Variants in CFAP157 observed in about 807,000 individuals in gnomAD.
CFAP157 encodes cilia and flagella associated protein 157, also known as cilia- and flagella-associated protein 157.
In CFAP157, 43 loss-of-function variants were observed where a neutral mutation model predicts 57.8. The observed-to-expected ratio is 0.74, with a 90% CI of 0.58 to 0.96. The LOEUF (loss-of-function observed/expected upper bound fraction) is 0.96. CFAP157 is among the 40% of genes least tolerant of loss of function. The pLI, the probability that CFAP157 is intolerant of heterozygous loss-of-function variation, is 0.00. For missense variants in CFAP157, 606 were observed against 655.3 expected, an observed-to-expected ratio of 0.92 and a Z score of 0.82; for synonymous variants, 267 against 269.0, an observed-to-expected ratio of 0.99 and a Z score of 0.07.
Position 127,714,941 on chromosome 9 carries a change from G to GGCCCCCCCCCCCCCCCC in CFAP157, c.*1036_*1037insGCCCCCCCCCCCCCCCC. Reference sequence around the variant, plus strand: ...CCGCGCCCCAACCCCCACCCCCTTGGCCCGCCCGCCCACCCCTGGCGCTCT... The same window carrying GGCCCCCCCCCCCCCCCC: ...CCGCGCCCCAACCCCCACCCCCTTGGGCCCCCCCCCCCCCCCCCCCGCCCGCCCACCCCTGGCGCTCT... On this transcript the variant is annotated 3_prime_UTR_variant, in exon 9 of 9. Transcript: ENST00000373295. 1.6e-5 allele frequency: 7 copies of GGCCCCCCCCCCCCCCCC among 446,382 alleles called. No homozygotes were observed. Among genetic ancestry groups the GGCCCCCCCCCCCCCCCC allele is most frequent in the South Asian group, 2.1e-5 (1 of 47,492 alleles). The allele number at this position is 446,382 out of a possible 1,614,324, so 27.7% of individuals were successfully genotyped here.
rs1254559381 is a variant in CFAP157, at chr9:127,714,566, A to G, written c.*661A>G. The G allele has an allele frequency of 6.2e-7, 1 of 1,602,246 alleles. No individual in the cohort carries two copies. Among genetic ancestry groups the G allele is most frequent in the Non-Finnish European group, 8.6e-7 (1 of 1,169,510 alleles). The stretch of plus-strand genomic sequence containing the variant: ...TACTCCACCCCAACTGGGAGGCCTG[A>G]AGCCCTATCCCAACCCTGACCATCT... On this transcript the variant is annotated 3_prime_UTR_variant, in exon 9 of 9. Transcript: ENST00000373295.
chr9:127,710,879 A>C, intron 3 of CFAP157, 125 bp downstream of exon 3: 1 of 1,077,664 alleles, frequency 9.3e-7, no homozygotes, highest in Admixed American at 2.4e-5. Flanking sequence ...CCGCCCCGAC[A>C]ACCTGCTACT....
Position 127,714,254 on chromosome 9 carries a change from C to T in CFAP157, c.*349C>T. On this transcript the variant is annotated 3_prime_UTR_variant, in exon 9 of 9. Coordinates refer to ENST00000373295, the MANE Select transcript of CFAP157 (RefSeq NM_001012502.3). Reference sequence around the variant, plus strand: ...AACCGCCTCAGGGTGCGCCGGGCGCCCGATACCCACCCGCAGCCTTGGCAT... The same window carrying T: ...AACCGCCTCAGGGTGCGCCGGGCGCTCGATACCCACCCGCAGCCTTGGCAT... 6.2e-7 allele frequency: 1 copy of T among 1,613,964 alleles called. No homozygotes were observed. The highest frequency in any genetic ancestry group is 8.5e-7 in the Non-Finnish European group (1 of 1,179,984).
At position 127,711,909 on chromosome 9, in the gene CFAP157, G is replaced by A. The variant is rs1361052109; in HGVS notation, c.945G>A (p.Glu315=). The A allele has an allele frequency of 1.9e-6, 3 of 1,604,208 alleles. No individual in the cohort carries two copies. The highest frequency in any genetic ancestry group is 2.5e-6 in the Non-Finnish European group (3 of 1,176,602). The change falls in exon 5 of 9, where the codon GAG becomes GAA. Residue 315 remains glutamate, a synonymous_variant. Transcript: ENST00000373295. ...EELRLLLSQL[E]QRSLQLQVDN... ...TGCGCCTCCTGCTGAGCCAGTTGGAGCAGAGATCCCTGCAGCTGCAGGTGG... is the reference window on the plus strand; with the variant it reads ...TGCGCCTCCTGCTGAGCCAGTTGGAACAGAGATCCCTGCAGCTGCAGGTGG...
In CFAP157 at chr9:127,715,491, C is replaced by T. The variant is rs765405772; in HGVS notation, c.*1586C>T. 1 of 1,611,438 alleles carries T rather than the reference C, an allele frequency of 6.2e-7. No individual in the cohort carries two copies. The highest frequency in any genetic ancestry group is 8.5e-7 in the Non-Finnish European group (1 of 1,179,080). ...CACTCGGCTCCCGGGACATAATGGC[C>T]GAACTGAAGCTAGGGACCGGGAGCC... is the stretch of plus-strand genomic sequence containing the variant. On this transcript the variant is annotated 3_prime_UTR_variant, in exon 9 of 9. Coordinates refer to ENST00000373295, the MANE Select transcript of CFAP157 (RefSeq NM_001012502.3). The surrounding 1 kb of genome is among the most constrained non-coding windows in gnomAD (Gnocchi z 5.8).
intron 5 of CFAP157, 101 bp from the exon 6 acceptor site, chr9:127,712,098 G>T: frequency 6.6e-7 from 1 of 1,525,680 alleles, no homozygotes; most frequent in Non-Finnish European, 8.8e-7. Flanking sequence ...CGGGATGGGG[G>T]CCCCTGTGGG....
rs1484622998 is a variant in CFAP157 at position 127,709,346 on chromosome 9, G to A, written c.162-76G>A. The A allele has an allele frequency of 1.3e-6, 2 of 1,487,918 alleles. No individual in the cohort carries two copies. The highest frequency in any genetic ancestry group is 9.1e-7 in the Non-Finnish European group (1 of 1,095,982). The allele number at this position is 1,487,918 out of a possible 1,614,324, so 92.2% of individuals were successfully genotyped here. On this transcript the variant is annotated intron_variant, in intron 1 of 8. Coordinates refer to ENST00000373295, the MANE Select transcript of CFAP157 (RefSeq NM_001012502.3). The surrounding 1 kb of genome is among the most constrained non-coding windows in gnomAD (Gnocchi z 4.7). Reference sequence around the variant, plus strand: ...CCCCTTTACGGGACAGGGAGTCCAGGAGAGTGGGCCCAGCTGCACCAGAGG... The same window carrying A: ...CCCCTTTACGGGACAGGGAGTCCAGAAGAGTGGGCCCAGCTGCACCAGAGG...
At chr9:127,708,182 TAAAACAAC>T (rs1448297285) in intron 1 of CFAP157, among the ~76,000 whole-genome samples, 1 of 152,142 alleles carries the variant, frequency 6.6e-6, no homozygotes, top group Non-Finnish European at 1.5e-5. Context: ...AATTATGATG[TAAAACAAC>T]TTTCCAGGCC....
intron 1 of CFAP157, among the ~76,000 whole-genome samples, chr9:127,707,928 C>A (rs529981553): frequency 1.2e-4 from 19 of 152,284 alleles, no homozygotes; most frequent in Middle Eastern, 3.4e-3. Flanking sequence ...CTCGTGGTGC[C>A]AGGCAGGCCA....
intron 4 of CFAP157, 85 bp from the exon 5 acceptor site, chr9:127,711,735 C>A: frequency 1.2e-5 from 17 of 1,460,980 alleles, no homozygotes; most frequent in Admixed American, 2.1e-5. Context: ...GGCCGCTCTG[C>A]ATAGGGGAAC....
At chr9:127,708,126 G>A (rs1227677273) in intron 1 of CFAP157, among the ~76,000 whole-genome samples, 1 of 152,160 alleles carries the variant, frequency 6.6e-6, no homozygotes, top group Non-Finnish European at 1.5e-5. Context: ...CCCCACCCCT[G>A]AAATGCTCTG....
chr9:127,713,384 C>T, intron 8 of CFAP157, 178 bp downstream of exon 8: 1 of 532,218 alleles, frequency 1.9e-6, no homozygotes, highest in Non-Finnish European at 3.2e-6. Context: ...CCAAAGCATG[C>T]CCACACATGC....
chr9:127,713,703 C>A, intron 8 of CFAP157, 131 bp from the exon 9 acceptor site: 1 of 675,964 alleles, frequency 1.5e-6, no homozygotes, highest in Non-Finnish European at 2.7e-6. Flanking sequence ...GACAGGGTTT[C>A]ACCATGTTGG....
chr9:127,714,508 GC>G lies in CFAP157; in HGVS notation c.*606del. 6.3e-7 allele frequency: 1 copy of G among 1,598,280 alleles called. No homozygotes were observed. Among genetic ancestry groups the G allele is most frequent in the Non-Finnish European group, 8.6e-7 (1 of 1,165,880 alleles). ...TCCCTGCCCCGGCTGGGTCAGAGCAGCCCATTTCCTGTGGAGACTGGGTCAG... is the reference window on the plus strand; with the variant it reads ...TCCCTGCCCCGGCTGGGTCAGAGCAGCCATTTCCTGTGGAGACTGGGTCAG... On this transcript the variant is annotated 3_prime_UTR_variant, in exon 9 of 9. Transcript: ENST00000373295.
chr9:127,707,068 G>C lies in CFAP157; in HGVS notation c.37G>C (p.Glu13Gln). 7 of 1,613,998 alleles carry C rather than the reference G, an allele frequency of 4.3e-6. No individual in the cohort carries two copies. Among genetic ancestry groups the C allele is most frequent in the Non-Finnish European group, 5.9e-6 (7 of 1,180,026 alleles). Residue 13 changes from glutamate (E) to glutamine (Q), a missense_variant, in exon 1 of 9, where the codon GAG becomes CAG. By Grantham distance (29) the Glu-to-Gln change is conservative. Transcript: ENST00000373295. The part of the protein sequence containing the change: ...PKKSVSKAGK[E>Q]LEVKKKGGKK... ...AAAGAGTGTGAGCAAGGCAGGCAAGGAGCTTGAAGTCAAGAAGAAAGGGGG... is the reference window on the plus strand; with the variant it reads ...AAAGAGTGTGAGCAAGGCAGGCAAGCAGCTTGAAGTCAAGAAGAAAGGGGG...
chr9:127,715,878 T>A lies in CFAP157; in HGVS notation c.*1973T>A. ...TGTGTGGGACGCTCGGAGCTCTTGC[T>A]TGACCTTCGGTTGGGAGGCCTTGTT... On this transcript the variant is annotated 3_prime_UTR_variant, in exon 9 of 9. Transcript: ENST00000373295. The surrounding 1 kb of genome is among the most constrained non-coding windows in gnomAD (Gnocchi z 5.8). 1.2e-6 allele frequency: 1 copy of A among 858,356 alleles called. No homozygotes were observed. Among genetic ancestry groups the A allele is most frequent in the Non-Finnish European group, 1.8e-6 (1 of 566,268 alleles). 53.2% of individuals were successfully genotyped at this position (858,356 alleles called of 1,614,324 possible).
Position 127,713,899 on chromosome 9 carries a change from C to T in CFAP157, c.1557C>T (p.Pro519=). The T allele has an allele frequency of 6.2e-7, 1 of 1,613,224 alleles. No individual in the cohort carries two copies. Among genetic ancestry groups the T allele is most frequent in the Non-Finnish European group, 8.5e-7 (1 of 1,179,310 alleles). The change falls in exon 9 of 9, where the codon CCC becomes CCT. Residue 519 remains proline, a synonymous_variant. Coordinates refer to ENST00000373295, the MANE Select transcript of CFAP157 (RefSeq NM_001012502.3). ...GTCTTCCTGAAGTTCCCCTACGTCC[C>T]AAGTAGGACACAGAGAGAAGAACCT... ...KFSLPEVPLR[P]K
In CFAP157 at chr9:127,710,723, C is replaced by G; in HGVS notation, c.556C>G (p.Leu186Val). 1.3e-6 allele frequency: 2 copies of G among 1,570,724 alleles called. No individual in the cohort carries two copies. The highest frequency in any genetic ancestry group is 1.7e-6 in the Non-Finnish European group (2 of 1,157,012). Reference sequence around the variant, plus strand: ...TGAGTTCAGGGACTATGCATACAACCTGGAGAAGAAGTCGGTGCTGGACAA... The same window carrying G: ...TGAGTTCAGGGACTATGCATACAACGTGGAGAAGAAGTCGGTGCTGGACAA... ...ENEFRDYAYNLEKKSVLDKDR... is the reference protein window; with the variant it reads ...ENEFRDYAYNVEKKSVLDKDR... Residue 186 changes from leucine to valine, a missense_variant, in exon 3 of 9, where the codon CTG becomes GTG. By Grantham distance (32) the Leu-to-Val change is conservative. Coordinates refer to ENST00000373295, the MANE Select transcript of CFAP157 (RefSeq NM_001012502.3).
Position 127,711,510 on chromosome 9 carries a change from C to A in CFAP157, c.855+14C>A. On this transcript the variant is annotated intron_variant, in intron 4 of 8. Transcript: ENST00000373295. The stretch of plus-strand genomic sequence containing the variant: ...GGCCACCAGAAGGTGTGCCTGCAGG[C>A]CTCAGCACAGGGCATTTGGCATGCA... 1.2e-6 allele frequency: 2 copies of A among 1,610,080 alleles called. No individual in the cohort carries two copies. The highest frequency in any genetic ancestry group is 1.7e-6 in the Non-Finnish European group (2 of 1,178,410).
Sources: gnomAD v4.1 joint callset for allele counts (sites outside exome capture counted in the v4.1 genomes callset) on GRCh38, gnomAD v4.1.1 for gene constraint, Gnocchi (gnomAD v3.1) non-coding constraint, MANE v1.5 for transcripts, NCBI Gene and HGNC (gene_info 2026-07-23, HGNC 2026-07-21) for gene names.